GALNT15: variants seen among roughly 807,000 people sequenced by gnomAD.
GALNT15 encodes UDP-GalNAc transferase T15.
A neutral mutation model predicts 66.8 loss-of-function variants in GALNT15; 67 were observed. That is an observed-to-expected ratio of 1.00 (90% CI 0.82 to 1.23). GALNT15 has a LOEUF of 1.23. Ranked by LOEUF, GALNT15 falls within the 50% of genes most tolerant of loss-of-function variation. The probability of loss-of-function intolerance (pLI) is 0.00; values close to 1 mark genes in which losing one functional copy is unlikely to be tolerated. For synonymous variants in GALNT15, 313 were observed against 311.5 expected (o/e 1.00, Z -0.05); for missense variants, 827 against 804.3 (o/e 1.03, Z -0.34).
Position 16,208,503 on chromosome 3 carries a change from G to A in GALNT15, c.912G>A (p.Arg304=), listed in dbSNP as rs770254825. ...TGTTTAATTCCACAATTCTTTCCAG[G>A]AGCCGAGTGGTATCTCCGGTGATAG... is the stretch of plus-strand genomic sequence containing the variant. The part of the protein sequence containing the change: ...EPLLSRIAGD[R]SRVVSPVIDV... Residue 304 remains arginine (R), a splice_region_variant and synonymous_variant, in exon 4 of 10, where the codon AGG becomes AGA. Coordinates refer to ENST00000339732, the MANE Select transcript of GALNT15 (RefSeq NM_054110.5). The A allele has an allele frequency of 1.9e-6, 3 of 1,613,550 alleles. No individual in the cohort carries two copies. In the South Asian group the frequency reaches 3.3e-5, roughly 18 times the overall value.
chr3:16,241,670 TC>T, the GALNT15 span, among the ~76,000 whole-genome samples: 1 of 152,184 alleles, frequency 6.6e-6, no homozygotes, highest in Non-Finnish European at 1.5e-5. The surrounding 1 kb of genome is among the most constrained non-coding windows in gnomAD (Gnocchi z 4.6). Flanking sequence ...CGCCTCAGCC[TC>T]CCAAGTAGCT....
At chr3:16,245,252 C>T in the GALNT15 span, among the ~76,000 whole-genome samples, 7 of 152,236 alleles carry the variant, frequency 4.6e-5, no homozygotes, top group Non-Finnish European at 8.8e-5. Context: ...CATCCTCACT[C>T]CCACACTCCT....
intron 1 of GALNT15, among the ~76,000 whole-genome samples, chr3:16,192,509 T>A (rs1480346334): frequency 6.6e-6 from 1 of 152,148 alleles, no homozygotes; most frequent in Non-Finnish European, 1.5e-5. Flanking sequence ...GAGGCAAAAT[T>A]TCTTTTCACA....
At chr3:16,179,254 G>A (rs950533839) in intron 1 of GALNT15, among the ~76,000 whole-genome samples, 3 of 152,172 alleles carry the variant, frequency 2.0e-5, no homozygotes, top group African/African-American at 7.2e-5. Context: ...TCATTTCATG[G>A]ATGAGGAAAC....
intron 6 of GALNT15, among the ~76,000 whole-genome samples, chr3:16,213,558 C>T (rs1574990951): frequency 6.6e-6 from 1 of 152,150 alleles, no homozygotes; most frequent in East Asian, 1.9e-4. Context: ...TCAGTGGCTG[C>T]TCAGCCCAGT....
At position 16,229,690 on chromosome 3, in the gene GALNT15, C is replaced by T; in HGVS notation, c.*2190C>T. ...GAACTTTATCATTGGCATTGTGGGT[C>T]TTTGAAGTTGCTGGGATAAATTAAT... is the stretch of plus-strand genomic sequence containing the variant. On this transcript the variant is annotated 3_prime_UTR_variant, in exon 10 of 10. Transcript: ENST00000339732. 1.0e-6 allele frequency: 1 copy of T among 980,608 alleles called. No individual in the cohort carries two copies. The highest frequency in any genetic ancestry group is 1.2e-6 in the Non-Finnish European group (1 of 825,588). The allele number at this position is 980,608 out of a possible 1,614,324, so 60.7% of individuals were successfully genotyped here. A position where few individuals can be genotyped will look rare whatever the true frequency, so the allele number is the denominator to read the frequency against.
Position 16,183,207 on chromosome 3 carries a change from T to A in GALNT15, c.539+7517T>A, listed in dbSNP as rs2063486796. 1 of 152,280 alleles carries A rather than the reference T, an allele frequency of 6.6e-6. No homozygotes were observed. The highest frequency in any genetic ancestry group is 6.5e-5 in the Admixed American group (1 of 15,274). The allele number at this position is 152,280 out of a possible 1,614,324, so 9.4% of individuals were successfully genotyped here. A position where few individuals can be genotyped will look rare whatever the true frequency, so the allele number is the denominator to read the frequency against. The stretch of plus-strand genomic sequence containing the variant: ...AGAGAAGGGGATGGCATGTACCTTG[T>A]GACGTCTGTCCACTGATGGAGAATG... On this transcript the variant is annotated intron_variant, in intron 1 of 9. Coordinates refer to ENST00000339732, the MANE Select transcript of GALNT15 (RefSeq NM_054110.5). The surrounding 1 kb of genome is among the most constrained non-coding windows in gnomAD (Gnocchi z 5.2).
At position 16,193,891 on chromosome 3, in the gene GALNT15, C is replaced by T. The variant is rs13074942; in HGVS notation, c.540-1869C>T. Among the ~76,000 whole-genome samples the T allele has an allele frequency of 0.28, 42,070 of 152,078 alleles. 6,111 individuals carry two copies. Among genetic ancestry groups the T allele is most frequent in the East Asian group, 0.41 (2,121 of 5,176 alleles). On this transcript the variant is annotated intron_variant, in intron 1 of 9. Transcript: ENST00000339732. The surrounding 1 kb of genome is among the most constrained non-coding windows in gnomAD (Gnocchi z 4.7). ...ACGTTAAGAAAGTGCCTTTTGTAAG[C>T]AAGTGTGAGCTATATACTGCTCCAT...
At chr3:16,233,049 C>T (rs1327069722), downstream of GALNT15, among the ~76,000 whole-genome samples, 1 of 147,964 alleles carries the variant, frequency 6.8e-6, no homozygotes, top group Non-Finnish European at 1.5e-5. Context: ...TTTTTGAAGC[C>T]ACATGGTAAG....
chr3:16,202,595 T>C (rs1198177929), intron 3 of GALNT15, among the ~76,000 whole-genome samples: 18 of 152,224 alleles, frequency 1.2e-4, no homozygotes. Flanking sequence ...ATCGTGCTAC[T>C]GCACTCCAGC....
At chr3:16,233,893 G>A (rs1419973084), downstream of GALNT15, among the ~76,000 whole-genome samples, 2 of 152,142 alleles carry the variant, frequency 1.3e-5, no homozygotes, top group African/African-American at 4.8e-5. Flanking sequence ...GAATAACAGG[G>A]ATACTGAGAG....
the GALNT15 span, among the ~76,000 whole-genome samples, chr3:16,241,450 T>C: frequency 2.0e-5 from 3 of 152,242 alleles, no homozygotes; most frequent in African/African-American, 7.2e-5. This position sits in a 1 kb window ranked among gnomAD's most constrained non-coding sequence, Gnocchi z 4.6. Context: ...TCTCCACATG[T>C]GGCTGTAGCA....
Position 16,203,180 on chromosome 3 carries a change from A to C in GALNT15, c.911+2357A>C, listed in dbSNP as rs750320570. 6.6e-6 allele frequency among the ~76,000 whole-genome samples: 1 copy of C among 151,922 alleles called. No homozygotes were observed. Among genetic ancestry groups the C allele is most frequent in the Non-Finnish European group, 1.5e-5 (1 of 67,986 alleles). ...GTCCAGTGCTGTTTTTATTGTGTAC[A>C]TTTTCTTTTTAAGAGTTGGAGAAGC... On this transcript the variant is annotated intron_variant, in intron 3 of 9. Transcript: ENST00000339732. The surrounding 1 kb of genome is among the most constrained non-coding windows in gnomAD (Gnocchi z 6.2).
chr3:16,212,343 T>C (rs2063824666), intron 5 of GALNT15, among the ~76,000 whole-genome samples: 1 of 152,114 alleles, frequency 6.6e-6, no homozygotes. Flanking sequence ...GGCCCTCTTG[T>C]CCCCATTTTG....
In GALNT15 at chr3:16,187,510, C is replaced by T. The variant is rs1398821228; in HGVS notation, c.540-8250C>T. On this transcript the variant is annotated intron_variant, in intron 1 of 9. Coordinates refer to ENST00000339732, the MANE Select transcript of GALNT15 (RefSeq NM_054110.5). This position sits in a 1 kb window ranked among gnomAD's most constrained non-coding sequence, Gnocchi z 5.1. ...CAGACTGTAATCCTCTATTAGGCTA[C>T]GTTGGTTTCATTACATGGCATCTCA... Among the ~76,000 whole-genome samples, 4 of 152,100 alleles carry T rather than the reference C, an allele frequency of 2.6e-5. No homozygotes were observed. Among genetic ancestry groups the T allele is most frequent in the African/African-American group, 4.8e-5 (2 of 41,402 alleles).
At chr3:16,206,671 T>TAAAAAA (rs1170870767) in intron 3 of GALNT15, among the ~76,000 whole-genome samples, 7 of 60,004 alleles carry the variant, frequency 1.2e-4, no homozygotes, top group South Asian at 6.1e-4. Context: ...AGACTCTGTC[T>TAAAAAA]AAAAAAAAAA....
Position 16,227,860 on chromosome 3 carries a change from G to GATCA in GALNT15, c.*363_*366dup. 1 of 1,033,028 alleles carries GATCA rather than the reference G, an allele frequency of 9.7e-7. No individual in the cohort carries two copies. The highest frequency in any genetic ancestry group is 1.2e-6 in the Non-Finnish European group (1 of 860,776). 64.0% of individuals were successfully genotyped at this position (1,033,028 alleles called of 1,614,324 possible). On this transcript the variant is annotated 3_prime_UTR_variant, in exon 10 of 10. Coordinates refer to ENST00000339732, the MANE Select transcript of GALNT15 (RefSeq NM_054110.5). This position sits in a 1 kb window ranked among gnomAD's most constrained non-coding sequence, Gnocchi z 4.5. Reference sequence around the variant, plus strand: ...ACCTCCAGGATACATAAATTCAATGGATCAATTTATTTGTCTTCAAATGGC... The same window carrying GATCA: ...ACCTCCAGGATACATAAATTCAATGGATCAATCAATTTATTTGTCTTCAAATGGC...
Position 16,222,667 on chromosome 3 carries a change from T to G in GALNT15, c.1682T>G (p.Leu561Arg), listed in dbSNP as rs757540378. 6.2e-7 allele frequency: 1 copy of G among 1,614,192 alleles called. No homozygotes were observed. Among genetic ancestry groups the G allele is most frequent in the Non-Finnish European group, 8.5e-7 (1 of 1,180,002 alleles). Reference sequence around the variant, plus strand: ...ATTCACTTTGGCAGCCCACAGCACCTGTGCTTTGCTGTCAGGCAGGAGCAG... The same window carrying G: ...ATTCACTTTGGCAGCCCACAGCACCGGTGCTTTGCTGTCAGGCAGGAGCAG... ...KEIHFGSPQHLCFAVRQEQVI... is the reference protein window; with the variant it reads ...KEIHFGSPQHRCFAVRQEQVI... Residue 561 changes from leucine to arginine, a missense_variant, in exon 9 of 10, where the codon CTG (leucine) becomes CGG (arginine). Transcript: ENST00000339732.
Position 16,204,959 on chromosome 3 carries a change from G to C in GALNT15, c.912-3544G>C, listed in dbSNP as rs1403601341. ...GGAGCGAGCATGTGCGTGCGTGTGT[G>C]TGTGCGCGCGCATGTGCGCGTCAAG... On this transcript the variant is annotated intron_variant, in intron 3 of 9. Coordinates refer to ENST00000339732, the MANE Select transcript of GALNT15 (RefSeq NM_054110.5). The surrounding 1 kb of genome is among the most constrained non-coding windows in gnomAD (Gnocchi z 4.5). Among the ~76,000 whole-genome samples, 1 of 152,194 alleles carries C rather than the reference G, an allele frequency of 6.6e-6. No individual in the cohort carries two copies. Among genetic ancestry groups the C allele is most frequent in the Non-Finnish European group, 1.5e-5 (1 of 68,024 alleles).
Sources: allele counts gnomAD v4.1 joint callset (sites outside exome capture counted in the v4.1 genomes callset), GRCh38; gene constraint gnomAD v4.1.1; non-coding constraint Gnocchi (gnomAD v3.1); transcripts MANE v1.5; gene names NCBI Gene and HGNC (gene_info 2026-07-23, HGNC 2026-07-21).